Variants in TTC23 observed in about 807,000 individuals in gnomAD.
TTC23 encodes the protein tetratricopeptide repeat domain 23.
Under a neutral mutation model 55.1 loss-of-function variants are expected in TTC23, and 58 were observed. The observed-to-expected ratio is 1.05, with a 90% CI of 0.85 to 1.31. The LOEUF (loss-of-function observed/expected upper bound fraction) is 1.31. Among genes scored for constraint, TTC23 ranks in the 50% most tolerant of loss-of-function variants. The pLI, the probability that TTC23 is intolerant of heterozygous loss-of-function variation, is 0.00. For synonymous variants in TTC23, 203 were observed against 199.9 expected (o/e 1.02, Z -0.13); for missense variants, 516 against 534.4 (o/e 0.97, Z 0.34).
At chr15:99,225,302 C>T (rs2152061195) in intron 5 of TTC23, among the ~76,000 whole-genome samples, 2 of 152,278 alleles carry the variant, frequency 1.3e-5, no homozygotes, top group South Asian at 4.2e-4. Context: ...TAGCAATAGG[C>T]ATCAGTAAGG....
At chr15:99,161,132 A>G (rs2071318501) in intron 11 of TTC23, 4 of 151,390 alleles carry the variant, frequency 2.6e-5, no homozygotes, top group Non-Finnish European at 5.9e-5. Flanking sequence ...ATGCACACAC[A>G]TATATATAAT....
intron 12 of TTC23, among the ~76,000 whole-genome samples, chr15:99,154,334 T>A (rs1555498261): frequency 6.6e-6 from 1 of 152,214 alleles, no homozygotes; most frequent in Non-Finnish European, 1.5e-5. Flanking sequence ...ATGGTTTGAA[T>A]GTGCCTCCCA....
rs75736612 is a variant in TTC23, at chr15:99,186,290, C to G, written c.760-11135G>C. ...GCTAAATGACTTGCCTACAATCAAACAGCTGATAAACAGAATAGTCTGAAC... is the reference window on the plus strand; with the variant it reads ...GCTAAATGACTTGCCTACAATCAAAGAGCTGATAAACAGAATAGTCTGAAC... On this transcript the variant is annotated intron_variant, in intron 9 of 13. Transcript: ENST00000394132. Among the ~76,000 whole-genome samples, 12 of 152,242 alleles carry G rather than the reference C, an allele frequency of 7.9e-5. No homozygotes were observed. In the East Asian group the frequency reaches 2.3e-3, roughly 29 times the overall value.
chr15:99,240,972 G>A (rs938377339), intron 3 of TTC23, among the ~76,000 whole-genome samples: 2 of 152,176 alleles, frequency 1.3e-5, no homozygotes, highest in Non-Finnish European at 2.9e-5. Context: ...TACTTTAAAT[G>A]TATGTGTTTC....
intron 12 of TTC23, chr15:99,148,453 A>G (rs550555390): frequency 6.7e-6 from 1 of 149,336 alleles, no homozygotes; most frequent in South Asian, 2.1e-4. Flanking sequence ...AACTCCTTTC[A>G]TAAAAAGATT....
At chr15:99,215,415 T>G (rs4965219) in intron 8 of TTC23, among the ~76,000 whole-genome samples, 1,986 of 152,166 alleles carry the variant, frequency 0.013, 56 homozygotes, top group Admixed American at 0.072. Flanking sequence ...ATCAGGGATA[T>G]AAGTGACAAA....
At chr15:99,200,377 C>A (rs2076101008) in intron 8 of TTC23, among the ~76,000 whole-genome samples, 1 of 152,170 alleles carries the variant, frequency 6.6e-6, no homozygotes, top group Admixed American at 6.5e-5. Flanking sequence ...ACAGTGCCCA[C>A]ACTTCATTGG....
intron 8 of TTC23, among the ~76,000 whole-genome samples, chr15:99,213,008 G>GAAAAAAAAAA (rs1567501244): frequency 2.9e-5 from 3 of 104,470 alleles, no homozygotes; most frequent in Non-Finnish European, 1.8e-5. Context: ...AAAAAAAAAG[G>GAAAAAAAAAA]GGGGGACATA....
chr15:99,171,344 C>G (rs2072895548), intron 10 of TTC23, among the ~76,000 whole-genome samples: 1 of 152,076 alleles, frequency 6.6e-6, no homozygotes, highest in African/African-American at 2.4e-5. Context: ...GACAGTAGGT[C>G]CTTCAGATTC....
At chr15:99,206,323 T>C (rs1044097398) in intron 8 of TTC23, among the ~76,000 whole-genome samples, 2 of 152,180 alleles carry the variant, frequency 1.3e-5, no homozygotes, top group Admixed American at 6.5e-5. Context: ...GCGGACCTCA[T>C]AGAATGAGTT....
intron 9 of TTC23, among the ~76,000 whole-genome samples, chr15:99,189,047 T>A (rs1240370137): frequency 2.0e-5 from 3 of 152,094 alleles, no homozygotes; most frequent in South Asian, 2.1e-4. Context: ...AAAAAAATAA[T>A]TTCAAAATAT....
intron 10 of TTC23, among the ~76,000 whole-genome samples, chr15:99,171,389 A>G (rs946165836): frequency 6.6e-6 from 1 of 151,996 alleles, no homozygotes; most frequent in Non-Finnish European, 1.5e-5. Flanking sequence ...TGGCAGTATG[A>G]ACTCATCTGT....
intron 13 of TTC23, among the ~76,000 whole-genome samples, chr15:99,138,986 A>T (rs893426693): frequency 8.5e-5 from 13 of 152,228 alleles, no homozygotes; most frequent in Non-Finnish European, 1.9e-4. Flanking sequence ...ATCCGAGGGC[A>T]GAGGGAAGCC....
rs527544106 is a variant in TTC23, at chr15:99,181,267, T to TCAGAGAAAG, written c.760-6121_760-6113dup. ...AATGTAATGAAGAGATATTTAAGGG[T>TCAGAGAAAG]CAGAGAAAGAGGCTGTCAAAGAGTA... On this transcript the variant is annotated intron_variant, in intron 9 of 13. Coordinates refer to ENST00000394132, the MANE Select transcript of TTC23 (RefSeq NM_001288615.3). Among the ~76,000 whole-genome samples, 547 of 152,218 alleles carry TCAGAGAAAG rather than the reference T, an allele frequency of 3.6e-3. 4 individuals carry two copies. The highest frequency in any genetic ancestry group is 0.023 in the South Asian group (110 of 4,820).
chr15:99,212,727 G>C (rs2152029380), intron 8 of TTC23, among the ~76,000 whole-genome samples: 1 of 152,278 alleles, frequency 6.6e-6, no homozygotes, highest in South Asian at 2.1e-4. Context: ...ACTGAGTGCA[G>C]TGGTTCATGC....
chr15:99,139,482 A>G, intron 12 of TTC23, 83 bp from the exon 13 acceptor site: 2 of 1,590,324 alleles, frequency 1.3e-6, no homozygotes, highest in East Asian at 2.3e-5. Flanking sequence ...AATGAGAGAA[A>G]GATGACCTCA....
chr15:99,221,652 C>T, intron 6 of TTC23, 89 bp downstream of exon 6: 2 of 1,526,734 alleles, frequency 1.3e-6, no homozygotes, highest in Non-Finnish European at 1.8e-6. Context: ...TATTAAAAAA[C>T]CTGATCCTTC....
intron 9 of TTC23, among the ~76,000 whole-genome samples, chr15:99,183,344 C>T (rs1328855885): frequency 1.4e-5 from 2 of 147,130 alleles, no homozygotes; most frequent in Admixed American, 1.4e-4. Context: ...TTTTTTGAGA[C>T]AGAGTCTCGC....
intron 2 of TTC23, among the ~76,000 whole-genome samples, 192 bp downstream of exon 2, chr15:99,245,197 G>A (rs575927695): frequency 3.9e-5 from 6 of 152,244 alleles, no homozygotes; most frequent in Admixed American, 2.0e-4. Flanking sequence ...CCAAAACAAC[G>A]TGGTGGTACT....
Sources: allele counts gnomAD v4.1 joint callset (sites outside exome capture counted in the v4.1 genomes callset), GRCh38; gene constraint gnomAD v4.1.1; transcripts MANE v1.5; gene names NCBI Gene and HGNC (gene_info 2026-07-23, HGNC 2026-07-21).